Variants in SLC36A1 observed in about 807,000 individuals in gnomAD.
SLC36A1 encodes solute carrier family 36 member 1, also known as proton-coupled amino acid transporter 1.
SLC36A1 carries 30 observed loss-of-function variants against 47.5 expected under a neutral mutation model. The observed-to-expected ratio is 0.63, with a 90% confidence interval of 0.47 to 0.86. SLC36A1 has a LOEUF of 0.86. SLC36A1 is among the 40% of genes least tolerant of loss of function. The pLI is 0.00. For missense variants in SLC36A1, 517 were observed against 606.0 expected, an observed-to-expected ratio of 0.85 and a Z score of 1.54; for synonymous variants, 255 against 249.7, an observed-to-expected ratio of 1.02 and a Z score of -0.20.
At chr5:151,555,871 C>G in the SLC36A1 span, among the ~76,000 whole-genome samples, 2 of 152,156 alleles carry the variant, frequency 1.3e-5, no homozygotes, top group Non-Finnish European at 2.9e-5. Context: ...TTCATTCCCT[C>G]TAGGTCACTA....
At chr5:151,353,293 G>C in the SLC36A1 span, among the ~76,000 whole-genome samples, 1 of 152,148 alleles carries the variant, frequency 6.6e-6, no homozygotes, top group African/African-American at 2.4e-5. Flanking sequence ...GAGGAGAAGT[G>C]AGCACACACA....
At chr5:151,517,965 C>G in the SLC36A1 span, among the ~76,000 whole-genome samples, 1 of 152,304 alleles carries the variant, frequency 6.6e-6, no homozygotes, top group East Asian at 1.9e-4. Flanking sequence ...TTCACCCTAC[C>G]TTTTGTTGAC....
At chr5:151,479,550 C>T in intron 10 of SLC36A1, 61 bp downstream of exon 10, 1 of 1,566,598 alleles carries the variant, frequency 6.4e-7, no homozygotes, top group Non-Finnish European at 8.7e-7. Context: ...AGTCTGCAGG[C>T]TTTCATGAGA....
the SLC36A1 span, chr5:151,553,227 C>T: frequency 6.2e-7 from 1 of 1,614,232 alleles, no homozygotes; most frequent in Non-Finnish European, 8.5e-7. Context: ...GCTGATGACC[C>T]CCACCATGTG....
the SLC36A1 span, among the ~76,000 whole-genome samples, chr5:151,407,680 G>A: frequency 0.015 from 2,274 of 152,280 alleles, 72 homozygotes; most frequent in African/African-American, 0.052. Flanking sequence ...CAGTTTCTCC[G>A]TGTATATAAT....
the SLC36A1 span, among the ~76,000 whole-genome samples, chr5:151,354,953 A>G: frequency 3.9e-5 from 6 of 152,180 alleles, no homozygotes; most frequent in East Asian, 9.6e-4. Flanking sequence ...GATGTTCACC[A>G]TAGCGGGGAA....
the SLC36A1 span, chr5:151,527,102 G>C: frequency 1.1e-6 from 1 of 889,212 alleles, no homozygotes; most frequent in Non-Finnish European, 1.7e-6. Flanking sequence ...AGCAGTCTGT[G>C]TTGCCTTTGG....
intron 9 of SLC36A1, chr5:151,477,449 G>T (rs778096502): frequency 1.3e-5 from 2 of 152,782 alleles, no homozygotes; most frequent in African/African-American, 2.4e-5. Context: ...TTATTTTATT[G>T]TATTTTTTAA....
the SLC36A1 span, among the ~76,000 whole-genome samples, chr5:151,366,179 A>G: frequency 6.6e-6 from 1 of 152,194 alleles, no homozygotes; most frequent in Non-Finnish European, 1.5e-5. Context: ...CCCAAGGGGA[A>G]GTGGCCCACT....
chr5:151,531,584 C>T, the SLC36A1 span: 6 of 1,612,162 alleles, frequency 3.7e-6, no homozygotes, highest in Non-Finnish European at 5.1e-6. The surrounding 1 kb of genome is among the most constrained non-coding windows in gnomAD (Gnocchi z 5.7). Context: ...ATCAGGCTCT[C>T]ACCTGTGCGA....
the SLC36A1 span, chr5:151,431,312 G>A: frequency 6.6e-6 from 1 of 152,180 alleles, no homozygotes; most frequent in Non-Finnish European, 1.5e-5. Context: ...CTGGCAGCAG[G>A]AGCTCCGGGT....
chr5:151,388,194 A>G, the SLC36A1 span, among the ~76,000 whole-genome samples: 1 of 152,088 alleles, frequency 6.6e-6, no homozygotes, highest in African/African-American at 2.4e-5. Flanking sequence ...TACCTGGAGG[A>G]GGCTTCATCT....
chr5:151,380,812 AC>A, the SLC36A1 span: 1 of 502,048 alleles, frequency 2.0e-6, no homozygotes. Context: ...AAATGGTTCC[AC>A]CAGAACTGGC....
At chr5:151,531,815 G>A in the SLC36A1 span, 2 of 1,613,742 alleles carry the variant, frequency 1.2e-6, no homozygotes, top group East Asian at 2.2e-5. This position sits in a 1 kb window ranked among gnomAD's most constrained non-coding sequence, Gnocchi z 5.7. Flanking sequence ...AGCGGTATTG[G>A]GGTGCCCAGG....
the SLC36A1 span, among the ~76,000 whole-genome samples, chr5:151,520,921 G>A: frequency 6.6e-6 from 1 of 152,224 alleles, no homozygotes; most frequent in African/African-American, 2.4e-5. Context: ...CAGCAGCCCA[G>A]CTCAAAGGCA....
chr5:151,544,614 A>G, the SLC36A1 span: 1 of 1,614,136 alleles, frequency 6.2e-7, no homozygotes, highest in African/African-American at 1.3e-5. Flanking sequence ...AAGGACTCTG[A>G]AACAGTGGGT....
the SLC36A1 span, among the ~76,000 whole-genome samples, chr5:151,353,575 T>G: frequency 6.2e-4 from 94 of 152,120 alleles, no homozygotes; most frequent in African/African-American, 2.2e-3. Flanking sequence ...CACACCATTA[T>G]CACCCAGAAT....
the SLC36A1 span, among the ~76,000 whole-genome samples, chr5:151,429,589 C>CT: frequency 6.6e-6 from 1 of 151,842 alleles, no homozygotes. Flanking sequence ...TTTCTTAATC[C>CT]AGTCTATCAT....
the SLC36A1 span, chr5:151,542,401 T>C: frequency 6.2e-7 from 1 of 1,614,142 alleles, no homozygotes; most frequent in Non-Finnish European, 8.5e-7. Flanking sequence ...TCTGTACTCT[T>C]CAGAAGCAAA....
Sources: allele counts gnomAD v4.1 joint callset (sites outside exome capture counted in the v4.1 genomes callset), GRCh38; gene constraint gnomAD v4.1.1; non-coding constraint Gnocchi (gnomAD v3.1); transcripts MANE v1.5; gene names NCBI Gene and HGNC (gene_info 2026-07-23, HGNC 2026-07-21).